The following BLTP2 variants were observed in gnomAD, a reference collection of about 807,000 sequenced individuals.
The protein encoded by BLTP2 is U937-associated antigen.
chr17:28,624,957 C>T, the BLTP2 span, among the ~76,000 whole-genome samples: 1 of 152,160 alleles, frequency 6.6e-6, no homozygotes, highest in South Asian at 2.1e-4. Context: ...GACTAGTCTG[C>T]CTGTATTGTG....
the BLTP2 span, among the ~76,000 whole-genome samples, chr17:28,632,522 C>T: frequency 3.9e-5 from 6 of 152,220 alleles, no homozygotes; most frequent in East Asian, 3.9e-4. Flanking sequence ...TAGATCATGA[C>T]GGTGGAGCCT....
the BLTP2 span, among the ~76,000 whole-genome samples, chr17:28,640,212 G>C: frequency 1.3e-5 from 2 of 152,130 alleles, no homozygotes; most frequent in African/African-American, 4.8e-5. Context: ...GGCCAACACA[G>C]TGAAACCCTG....
chr17:28,624,404 A>C, the BLTP2 span: 3 of 1,607,502 alleles, frequency 1.9e-6, no homozygotes, highest in African/African-American at 4.0e-5. Flanking sequence ...GCAGAGAAAT[A>C]GGAAGCAGGG....
the BLTP2 span, chr17:28,636,890 A>G: frequency 7.8e-7 from 1 of 1,274,564 alleles, no homozygotes; most frequent in East Asian, 2.3e-5. Context: ...ACAAGAAAAA[A>G]AAAAAAAAAG....
At chr17:28,630,055 G>A in the BLTP2 span, among the ~76,000 whole-genome samples, 2 of 152,096 alleles carry the variant, frequency 1.3e-5, no homozygotes, top group Non-Finnish European at 2.9e-5. Flanking sequence ...GTAGAAACAC[G>A]GTTTCACCAT....
chr17:28,616,940 G>T, the BLTP2 span: 1 of 1,614,154 alleles, frequency 6.2e-7, no homozygotes, highest in African/African-American at 1.3e-5. This position sits in a 1 kb window ranked among gnomAD's most constrained non-coding sequence, Gnocchi z 4.8. Flanking sequence ...GAACTTTGCT[G>T]AAGAGGCGGA....
At chr17:28,619,090 G>C in the BLTP2 span, 1,611 of 716,048 alleles carry the variant, frequency 2.2e-3, 3 homozygotes, top group Non-Finnish European at 3.1e-3. Context: ...TTCTGGGTTA[G>C]CCAGTCCCTA....
chr17:28,616,370 G>GT, the BLTP2 span: 3 of 1,614,170 alleles, frequency 1.9e-6, no homozygotes, highest in Non-Finnish European at 2.5e-6. The surrounding 1 kb of genome is among the most constrained non-coding windows in gnomAD (Gnocchi z 4.8). Context: ...TCAGGGGCAT[G>GT]TTTGGTACCT....
chr17:28,616,649 A>C, the BLTP2 span: 1 of 1,614,228 alleles, frequency 6.2e-7, no homozygotes, highest in Non-Finnish European at 8.5e-7. This position sits in a 1 kb window ranked among gnomAD's most constrained non-coding sequence, Gnocchi z 4.8. Context: ...TATCCTCTTC[A>C]TCACCAACTT....
chr17:28,644,621 C>T, the BLTP2 span, among the ~76,000 whole-genome samples: 1 of 152,232 alleles, frequency 6.6e-6, no homozygotes, highest in Non-Finnish European at 1.5e-5. Flanking sequence ...GAATGCTGTT[C>T]TCCCCAGACC....
chr17:28,634,530 G>C, the BLTP2 span: 69 of 1,613,234 alleles, frequency 4.3e-5, no homozygotes, highest in African/African-American at 8.0e-4. Context: ...GAAAGCTCTT[G>C]ACATTGCACT....
chr17:28,636,996 A>G, the BLTP2 span: 3 of 1,614,070 alleles, frequency 1.9e-6, no homozygotes, highest in Non-Finnish European at 2.5e-6. Flanking sequence ...GTGATAGGTG[A>G]TGGAGAGCAT....
At chr17:28,617,473 C>G in the BLTP2 span, 5 of 587,198 alleles carry the variant, frequency 8.5e-6, no homozygotes, top group Admixed American at 1.5e-4. Flanking sequence ...ACTCTTTAAT[C>G]CAGTGTGTCT....
the BLTP2 span, chr17:28,638,973 T>C: frequency 4.4e-6 from 2 of 455,404 alleles, no homozygotes; most frequent in Non-Finnish European, 7.9e-6. Context: ...AAGTTCTCTG[T>C]GCAGCACAAT....
At chr17:28,615,582 G>T in the BLTP2 span, 1 of 1,527,220 alleles carries the variant, frequency 6.5e-7, no homozygotes, top group Non-Finnish European at 8.9e-7. Context: ...TTTATTCATG[G>T]ATTCTAAAAT....
the BLTP2 span, chr17:28,637,721 G>A: frequency 1.1e-5 from 10 of 928,106 alleles, no homozygotes; most frequent in Non-Finnish European, 1.6e-5. Flanking sequence ...GCCCAGGCTC[G>A]AGTGCAGTGG....
the BLTP2 span, chr17:28,617,053 G>A: frequency 1.4e-6 from 2 of 1,385,832 alleles, no homozygotes; most frequent in Non-Finnish European, 2.0e-6. Context: ...CTGCCATAAA[G>A]CAACCCACAA....
the BLTP2 span, chr17:28,635,857 G>A: frequency 4.7e-6 from 2 of 425,524 alleles, no homozygotes; most frequent in East Asian, 8.5e-5. Flanking sequence ...ATTCTAAATT[G>A]TCTGAAAATA....
chr17:28,633,080 C>T, the BLTP2 span: 1 of 1,591,628 alleles, frequency 6.3e-7, no homozygotes, highest in Non-Finnish European at 8.6e-7. Context: ...CTATGGTGAT[C>T]ATGGGGGTTC....
Sources: gnomAD v4.1 joint callset for allele counts (sites outside exome capture counted in the v4.1 genomes callset) on GRCh38, gnomAD v4.1.1 for gene constraint, Gnocchi (gnomAD v3.1) non-coding constraint, MANE v1.5 for transcripts, NCBI Gene and HGNC (gene_info 2026-07-23, HGNC 2026-07-21) for gene names.